RANBP2: variants seen among roughly 807,000 people sequenced by gnomAD.
The protein encoded by RANBP2 is RAN binding protein 2.
RANBP2 carries 57 observed loss-of-function variants against 303.6 expected under a neutral mutation model. That is an observed-to-expected ratio of 0.19 (90% CI 0.15 to 0.23). RANBP2 has a LOEUF of 0.23. Among genes scored for constraint, RANBP2 ranks in the 10% least tolerant of loss-of-function variants. The pLI is 1.00. For missense variants in RANBP2, 3,138 were observed against 3,780.8 expected (o/e 0.83, Z 4.46); for synonymous variants, 1,167 against 1,301.5 (o/e 0.90, Z 2.23).
At chr2:108,753,608 T>C in intron 14 of RANBP2, 45 bp downstream of exon 14, 1 of 1,593,026 alleles carries the variant, frequency 6.3e-7, no homozygotes, top group Non-Finnish European at 8.5e-7. Flanking sequence ...TTTATTTATT[T>C]ATTATTTTTT....
At chr2:108,849,014 G>T in the RANBP2 span, among the ~76,000 whole-genome samples, 3 of 152,040 alleles carry the variant, frequency 2.0e-5, no homozygotes, top group Non-Finnish European at 4.4e-5. Context: ...GCCTGGTAAG[G>T]GGATACATGG....
At chr2:109,008,909 A>C in the RANBP2 span, among the ~76,000 whole-genome samples, 1 of 150,970 alleles carries the variant, frequency 6.6e-6, no homozygotes, top group Non-Finnish European at 1.5e-5. Context: ...AAAAAAAAAA[A>C]AGAAAAGAAA....
chr2:108,887,736 C>A, the RANBP2 span, among the ~76,000 whole-genome samples: 19 of 152,264 alleles, frequency 1.2e-4, no homozygotes, highest in African/African-American at 4.3e-4. Context: ...TATCCTGCAA[C>A]TTTACTCAAT....
chr2:108,721,467 G>T (rs1300676245), intron 1 of RANBP2, among the ~76,000 whole-genome samples: 1 of 151,968 alleles, frequency 6.6e-6, no homozygotes, highest in Non-Finnish European at 1.5e-5. Context: ...TTTTGAGGTG[G>T]GGTCTCACTC....
At chr2:109,292,170 G>T in the RANBP2 span, among the ~76,000 whole-genome samples, 4 of 152,154 alleles carry the variant, frequency 2.6e-5, no homozygotes. Flanking sequence ...GCCCCAATAT[G>T]TATTTTTAAA....
At chr2:108,756,846 G>C (rs188795810) in intron 17 of RANBP2, among the ~76,000 whole-genome samples, 1 of 152,194 alleles carries the variant, frequency 6.6e-6, no homozygotes, top group Non-Finnish European at 1.5e-5. Context: ...TTACAGCAGT[G>C]ATTGCAAATT....
At chr2:109,327,151 A>G in the RANBP2 span, among the ~76,000 whole-genome samples, 6 of 152,276 alleles carry the variant, frequency 3.9e-5, no homozygotes, top group Admixed American at 2.0e-4. Flanking sequence ...GGAGCTTTTT[A>G]TTAACTTTTA....
chr2:108,955,670 CACTATAGCCTGGGCGACAGAGTGAG>C, the RANBP2 span, among the ~76,000 whole-genome samples: 2 of 151,174 alleles, frequency 1.3e-5, no homozygotes, highest in Admixed American at 6.6e-5. Flanking sequence ...CACACCACTG[CACTATAGCCTGGGCGACAGAGTGAG>C]ACTCTGTCTC....
chr2:109,222,148 G>A, the RANBP2 span, among the ~76,000 whole-genome samples: 1 of 145,656 alleles, frequency 6.9e-6, no homozygotes, highest in Non-Finnish European at 1.5e-5. Context: ...TAAAAAAGGT[G>A]CTCGCATGAA....
the RANBP2 span, among the ~76,000 whole-genome samples, chr2:108,828,316 G>A: frequency 6.6e-6 from 1 of 152,040 alleles, no homozygotes; most frequent in East Asian, 1.9e-4. Flanking sequence ...ATTTAATGAC[G>A]TAAAAACATA....
the RANBP2 span, among the ~76,000 whole-genome samples, chr2:109,512,651 C>CA: frequency 3.9e-5 from 6 of 152,164 alleles, no homozygotes; most frequent in African/African-American, 7.2e-5. Flanking sequence ...TCGTGGGAGG[C>CA]AAGTCAGCCA....
At chr2:109,103,356 G>A in the RANBP2 span, among the ~76,000 whole-genome samples, 1 of 152,216 alleles carries the variant, frequency 6.6e-6, no homozygotes, top group Non-Finnish European at 1.5e-5. Flanking sequence ...TACCTCATAT[G>A]TATTGATTGA....
At chr2:109,367,119 A>ATT in the RANBP2 span, among the ~76,000 whole-genome samples, 728 of 113,312 alleles carry the variant, frequency 6.4e-3, 9 homozygotes, top group East Asian at 0.05. Context: ...TGCCCTGGTA[A>ATT]TTTTTTTTTT....
At chr2:109,083,112 C>T in the RANBP2 span, among the ~76,000 whole-genome samples, 21 of 152,308 alleles carry the variant, frequency 1.4e-4, no homozygotes, top group East Asian at 4.0e-3. Context: ...AGGCATGAGC[C>T]ACCATGCCCG....
the RANBP2 span, among the ~76,000 whole-genome samples, chr2:108,917,439 AC>A: frequency 2.9e-3 from 438 of 152,212 alleles, 2 homozygotes; most frequent in Non-Finnish European, 4.6e-3. Context: ...GAAGTGATAA[AC>A]GTTTGAGGTC....
At chr2:109,053,506 C>A in the RANBP2 span, among the ~76,000 whole-genome samples, 2 of 152,202 alleles carry the variant, frequency 1.3e-5, no homozygotes, top group Non-Finnish European at 2.9e-5. Flanking sequence ...TTTCAGGCAT[C>A]CTCAGCTGGA....
the RANBP2 span, among the ~76,000 whole-genome samples, chr2:108,819,301 A>G: frequency 2.6e-5 from 4 of 152,194 alleles, no homozygotes; most frequent in South Asian, 2.1e-4. Flanking sequence ...GCGCAGTGCA[A>G]CCAGGAGGAA....
the RANBP2 span, among the ~76,000 whole-genome samples, chr2:109,404,230 T>C: frequency 6.6e-6 from 1 of 152,124 alleles, no homozygotes; most frequent in African/African-American, 2.4e-5. Flanking sequence ...GCCTGAAATA[T>C]CCACTGTCAA....
chr2:109,068,460 T>C, the RANBP2 span, among the ~76,000 whole-genome samples: 1 of 152,248 alleles, frequency 6.6e-6, no homozygotes, highest in African/African-American at 2.4e-5. Flanking sequence ...CACTGCAACA[T>C]CTCCAGCACC....
Sources: gnomAD v4.1 joint callset for allele counts (sites outside exome capture counted in the v4.1 genomes callset) on GRCh38, gnomAD v4.1.1 for gene constraint, MANE v1.5 for transcripts, NCBI Gene and HGNC (gene_info 2026-07-23, HGNC 2026-07-21) for gene names.